MICALL2: variants seen among roughly 807,000 people sequenced by gnomAD.
MICALL2 encodes the protein MICAL like 2, also known as MICAL-like protein 2.
A neutral mutation model predicts 91.1 loss-of-function variants in MICALL2; 111 were observed. The ratio of observed to expected loss-of-function variants is 1.22; its 90% CI spans 1.04 to 1.43. The LOEUF (loss-of-function observed/expected upper bound fraction) is 1.43. Among genes scored for constraint, MICALL2 ranks in the 40% most tolerant of loss-of-function variants. The pLI is 0.00. For synonymous variants in MICALL2, 694 were observed against 525.3 expected, an observed-to-expected ratio of 1.32 and a Z score of -4.39; for missense variants, 1,556 against 1,236.0, an observed-to-expected ratio of 1.26 and a Z score of -3.88.
chr7:1,436,620 G>T, intron 15 of MICALL2, 122 bp downstream of exon 15: 1 of 587,590 alleles, frequency 1.7e-6, no homozygotes, highest in Non-Finnish European at 2.8e-6. Context: ...TACTGTACCA[G>T]TCAGCATAGA....
chr7:1,440,060 C>A lies in MICALL2; in HGVS notation c.1831G>T (p.Ala611Ser). 6.3e-7 allele frequency: 1 copy of A among 1,588,154 alleles called. No individual in the cohort carries two copies. The highest frequency in any genetic ancestry group is 8.5e-7 in the Non-Finnish European group (1 of 1,171,962). The change falls in exon 9 of 17, where the codon GCC (alanine) becomes TCC (serine). Residue 611 changes from alanine to serine, a missense_variant. Transcript: ENST00000297508. Reference sequence around the variant, plus strand: ...TCCCCCGCCCTCGGCTCTGCCAGGGCCCGTGGTTCCTTGGGCTTCAGAGTC... The same window carrying A: ...TCCCCCGCCCTCGGCTCTGCCAGGGACCGTGGTTCCTTGGGCTTCAGAGTC... ...ERTLKPKEPR[A>S]LAEPRAGEAP...
At position 1,438,284 on chromosome 7, in the gene MICALL2, C is replaced by T; in HGVS notation, c.2187+5G>A. The T allele has an allele frequency of 6.3e-7, 1 of 1,596,100 alleles. No homozygotes were observed. Among genetic ancestry groups the T allele is most frequent in the Non-Finnish European group, 8.5e-7 (1 of 1,171,880 alleles). On this transcript the variant is annotated splice_donor_5th_base_variant and intron_variant, in intron 11 of 16. Coordinates refer to ENST00000297508, the MANE Select transcript of MICALL2 (RefSeq NM_182924.4). The stretch of plus-strand genomic sequence containing the variant: ...GCCCCTGCCCGGCTCCCCACCACTA[C>T]TCACCCTGACTGGGGAGGTCACCGT...
Position 1,444,960 on chromosome 7 carries a change from G to C in MICALL2, c.1110C>G (p.Asp370Glu). 1 of 1,511,528 alleles carries C rather than the reference G, an allele frequency of 6.6e-7. No homozygotes were observed. Among genetic ancestry groups the C allele is most frequent in the Non-Finnish European group, 8.8e-7 (1 of 1,130,878 alleles). 93.6% of individuals were successfully genotyped at this position (1,511,528 alleles called of 1,614,324 possible). Residue 370 changes from aspartate (D) to glutamate (E), a missense_variant, in exon 6 of 17, where the codon GAC becomes GAG. Coordinates refer to ENST00000297508, the MANE Select transcript of MICALL2 (RefSeq NM_182924.4). ...CACCCTGGGGTGTGGCCGGGCGAGG[G>C]TCTGGGGCACTCGGGGGCACGGCGG... ...SHPAVPPSAP[D>E]PRPATPQGGG...
chr7:1,440,778 T>C, intron 7 of MICALL2, 94 bp from the exon 8 acceptor site: 1 of 1,044,814 alleles, frequency 9.6e-7, no homozygotes, highest in South Asian at 1.3e-5. Flanking sequence ...CATCTTCCCA[T>C]AGCCACTCCA....
chr7:1,438,038 C>T (rs1335600901), intron 12 of MICALL2, 58 bp from the exon 13 acceptor site: 3 of 1,560,584 alleles, frequency 1.9e-6, no homozygotes, highest in South Asian at 1.2e-5. Flanking sequence ...GCCCCCAGCC[C>T]CAGGACTGAG....
intron 6 of MICALL2, among the ~76,000 whole-genome samples, chr7:1,443,769 G>A (rs1243727631): frequency 6.6e-6 from 1 of 152,202 alleles, no homozygotes; most frequent in Non-Finnish European, 1.5e-5. Context: ...CCTGCAAGGG[G>A]ACGCGGCCCT....
In MICALL2 at chr7:1,446,840, GCCAGCACCTCTCTGAGCAGCCGTCCAC is replaced by G. The variant is rs1780619192; in HGVS notation, c.526-39_526-13del. ...GCCAATGCCTGGTCCTGGGGAAGAT[GCCAGCACCTCTCTGAGCAGCCGTCCAC>G]CCAGCCCTCCCTCCTGGTGGCAGCC... On this transcript the variant is annotated splice_polypyrimidine_tract_variant and intron_variant, in intron 4 of 16. Coordinates refer to ENST00000297508, the MANE Select transcript of MICALL2 (RefSeq NM_182924.4). 6.4e-7 allele frequency: 1 copy of G among 1,554,206 alleles called. No individual in the cohort carries two copies. Among genetic ancestry groups the G allele is most frequent in the Non-Finnish European group, 8.7e-7 (1 of 1,145,168 alleles).
At chr7:1,443,364 G>A (rs1780404869) in intron 6 of MICALL2, among the ~76,000 whole-genome samples, 2 of 152,108 alleles carry the variant, frequency 1.3e-5, no homozygotes, top group African/African-American at 4.8e-5. Context: ...CACTGCGGGG[G>A]CAGGAGGCAG....
Position 1,445,394 on chromosome 7 carries a change from C to A in MICALL2, c.676G>T (p.Ala226Ser). Residue 226 changes from alanine to serine, a missense_variant, in exon 6 of 17, where the codon GCC (alanine) becomes TCC (serine). Transcript: ENST00000297508. ...CCCGGCTCTCCTGTGGCCTTGTAGG[C>A]CCCCGAGTGCAGCGTGCAGGAGCAC... ...KQCSCTLHSG[A>S]YKATGEPGTF... 6.4e-7 allele frequency: 1 copy of A among 1,569,766 alleles called. No individual in the cohort carries two copies. Among genetic ancestry groups the A allele is most frequent in the Non-Finnish European group, 8.6e-7 (1 of 1,164,756 alleles).
At chr7:1,439,084 G>A in intron 9 of MICALL2, 89 bp from the exon 10 acceptor site, 3 of 1,081,726 alleles carry the variant, frequency 2.8e-6, no homozygotes, top group Non-Finnish European at 3.9e-6. Flanking sequence ...CAGCTCGCTG[G>A]GTAGCCCGGC....
chr7:1,456,448 TG>T (rs1461314545), intron 1 of MICALL2, among the ~76,000 whole-genome samples: 2 of 151,784 alleles, frequency 1.3e-5, no homozygotes, highest in Non-Finnish European at 2.9e-5. Flanking sequence ...CGGCTGGGTG[TG>T]GGGGTGCACC....
Position 1,451,106 on chromosome 7 carries a change from C to G in MICALL2, c.144-818G>C, listed in dbSNP as rs376122783. Among the ~76,000 whole-genome samples, 56 of 152,306 alleles carry G rather than the reference C, an allele frequency of 3.7e-4. 1 individual carries two copies. The South Asian group carries it at 0.01, about 28-fold the overall frequency. On this transcript the variant is annotated intron_variant, in intron 1 of 16. Transcript: ENST00000297508. The surrounding 1 kb of genome is among the most constrained non-coding windows in gnomAD (Gnocchi z 4.5). ...AGCCTCACCCCTGACTCGCACACTA[C>G]ACCACAGGGATGCAAGGGTCCCGGG...
intron 10 of MICALL2, chr7:1,438,624 A>G (rs559874379): frequency 2.3e-5 from 33 of 1,419,122 alleles, no homozygotes; most frequent in African/African-American, 2.9e-5. Flanking sequence ...CAGACATTCC[A>G]TCATCACCAT....
At chr7:1,435,920 C>T (rs969911443) in intron 15 of MICALL2, among the ~76,000 whole-genome samples, 7 of 150,926 alleles carry the variant, frequency 4.6e-5, no homozygotes, top group South Asian at 2.1e-4. Context: ...GGTGTGGTGG[C>T]GGGCGCCTGT....
At chr7:1,442,900 C>T (rs1323233245) in intron 6 of MICALL2, among the ~76,000 whole-genome samples, 1 of 152,164 alleles carries the variant, frequency 6.6e-6, no homozygotes, top group Non-Finnish European at 1.5e-5. Context: ...CCGGCCTGGG[C>T]TGCCAGGTTC....
In MICALL2 at chr7:1,442,395, G is replaced by C. The variant is rs377542505; in HGVS notation, c.1508C>G (p.Ser503Trp). ...ASPLAKPLQS[S>W]SPRVLGLPSR... ...AGGGAGGCCAAGCACCCGGGGAGAC[G>C]AGGACTGTAACGGCTTGGCTAAGGG... The change falls in exon 7 of 17, where the codon TCG (serine) becomes TGG (tryptophan). Residue 503 changes from serine (S) to tryptophan (W), a missense_variant. Ser to Trp is a radical substitution (Grantham distance 177). Transcript: ENST00000297508. 8 of 1,606,084 alleles carry C rather than the reference G, an allele frequency of 5.0e-6. No homozygotes were observed. In the Admixed American group the frequency reaches 5.0e-5, roughly 10 times the overall value.
rs143305148 is a variant in MICALL2 at position 1,442,275 on chromosome 7, G to A, written c.1628C>T (p.Ser543Leu). The A allele has an allele frequency of 1.1e-4, 182 of 1,612,964 alleles. 1 individual carries two copies. Among genetic ancestry groups the A allele is most frequent in the African/African-American group, 7.7e-4 (58 of 75,010 alleles). The change falls in exon 7 of 17, where the codon TCA becomes TTA. Residue 543 changes from serine to leucine, a missense_variant. By Grantham distance (145) the Ser-to-Leu change is moderately radical. Coordinates refer to ENST00000297508, the MANE Select transcript of MICALL2 (RefSeq NM_182924.4). Reference sequence around the variant, plus strand: ...GCCAGCACCCACCCTGCCGACCCCTGAGGATTCCGCCAAGTTCCTCCTGCC... The same window carrying A: ...GCCAGCACCCACCCTGCCGACCCCTAAGGATTCCGCCAAGTTCCTCCTGCC... ...PAGRRNLAES[S>L]GVGRVGAGSR...
intron 15 of MICALL2, 149 bp from the exon 16 acceptor site, chr7:1,435,296 T>C: frequency 2.7e-6 from 2 of 735,302 alleles, no homozygotes. Flanking sequence ...GGCCACACCT[T>C]GGAACCCTGC....
chr7:1,444,984 G>A lies in MICALL2; in HGVS notation c.1086C>T (p.Pro362=), dbSNP rs776721518. The change falls in exon 6 of 17, where the codon CCC becomes CCT. Residue 362 remains proline (P), a synonymous_variant. Transcript: ENST00000297508. ...APCTAAAASH[P]AVPPSAPDPR... Reference sequence around the variant, plus strand: ...GGTCTGGGGCACTCGGGGGCACGGCGGGATGGGAGGCAGCCGCTGCTGTGC... The same window carrying A: ...GGTCTGGGGCACTCGGGGGCACGGCAGGATGGGAGGCAGCCGCTGCTGTGC... The A allele has an allele frequency of 3.7e-5, 56 of 1,506,842 alleles. No individual in the cohort carries two copies. In the Middle Eastern group the frequency reaches 1.0e-3, roughly 28 times the overall value. The allele number at this position is 1,506,842 out of a possible 1,614,324, so 93.3% of individuals were successfully genotyped here. A position where few individuals can be genotyped will look rare whatever the true frequency, so the allele number is the denominator to read the frequency against.
Sources: allele counts gnomAD v4.1 joint callset (sites outside exome capture counted in the v4.1 genomes callset), GRCh38; gene constraint gnomAD v4.1.1; non-coding constraint Gnocchi (gnomAD v3.1); transcripts MANE v1.5; gene names NCBI Gene and HGNC (gene_info 2026-07-23, HGNC 2026-07-21).